Variants in SPTB observed in about 807,000 individuals in gnomAD.
The protein encoded by SPTB is spectrin beta chain, erythrocytic.
SPTB carries 45 observed loss-of-function variants against 256.2 expected under a neutral mutation model. The ratio of observed to expected loss-of-function variants is 0.18; its 90% CI spans 0.14 to 0.23. The LOEUF (loss-of-function observed/expected upper bound fraction) is 0.23. Among genes scored for constraint, SPTB ranks in the 10% least tolerant of loss-of-function variants. SPTB has a pLI of 1.00. For synonymous variants in SPTB, 1,231 were observed against 1,243.1 expected (o/e 0.99, Z 0.21); for missense variants, 2,715 against 3,040.4 (o/e 0.89, Z 2.52).
rs977998181 is a variant in SPTB, at chr14:64,824,570, C to T, written c.-51-1425G>A. Among the ~76,000 whole-genome samples, 30 of 152,128 alleles carry T rather than the reference C, an allele frequency of 2.0e-4. No homozygotes were observed. Among genetic ancestry groups the T allele is most frequent in the African/African-American group, 7.2e-4 (30 of 41,420 alleles). ...AATAGGGGACCCAGAGCCTTCACAACCAAGAGAGCAAAGCGGGAGGCAGGG... is the reference window on the plus strand; with the variant it reads ...AATAGGGGACCCAGAGCCTTCACAATCAAGAGAGCAAAGCGGGAGGCAGGG... On this transcript the variant is annotated intron_variant, in intron 1 of 35. Transcript: ENST00000644917. The surrounding 1 kb of genome is among the most constrained non-coding windows in gnomAD (Gnocchi z 5.7).
intron 1 of SPTB, among the ~76,000 whole-genome samples, chr14:64,832,935 A>G (rs1006164013): frequency 6.6e-6 from 1 of 152,224 alleles, no homozygotes; most frequent in African/African-American, 2.4e-5. Flanking sequence ...CTGAGGCCAG[A>G]CAGGCCATCC....
chr14:64,841,446 CAA>C lies in SPTB; in HGVS notation c.-51-18303_-51-18302del, dbSNP rs2083605745. On this transcript the variant is annotated intron_variant, in intron 1 of 35. Coordinates refer to ENST00000644917, the MANE Select transcript of SPTB (RefSeq NM_001355436.2). This position sits in a 1 kb window ranked among gnomAD's most constrained non-coding sequence, Gnocchi z 4.6. Reference sequence around the variant, plus strand: ...CCACATCTAGCTCAACACCAGGCAACAAGAGCATCAAGAAAGGCAACAGGAAA... The same window carrying C: ...CCACATCTAGCTCAACACCAGGCAACGAGCATCAAGAAAGGCAACAGGAAA... Among the ~76,000 whole-genome samples, 1 of 152,184 alleles carries C rather than the reference CAA, an allele frequency of 6.6e-6. No individual in the cohort carries two copies. The highest frequency in any genetic ancestry group is 1.5e-5 in the Non-Finnish European group (1 of 68,036).
chr14:64,814,890 G>A (rs1442110076), intron 2 of SPTB, among the ~76,000 whole-genome samples: 1 of 151,852 alleles, frequency 6.6e-6, no homozygotes, highest in East Asian at 1.9e-4. Flanking sequence ...AAATCAAAAA[G>A]TTTTTTTTTA....
chr14:64,772,172 T>C lies in SPTB; in HGVS notation c.5553+408A>G, dbSNP rs375882184. Among the ~76,000 whole-genome samples, 18 of 152,292 alleles carry C rather than the reference T, an allele frequency of 1.2e-4. No individual in the cohort carries two copies. Among genetic ancestry groups the C allele is most frequent in the South Asian group, 1.0e-3 (5 of 4,828 alleles). ...TACCTACATGTTCCTGGGAAACTTA[T>C]GGGTCTTCTACCTCTCCCTTTTCTC... On this transcript the variant is annotated intron_variant, in intron 26 of 35. Coordinates refer to ENST00000644917, the MANE Select transcript of SPTB (RefSeq NM_001355436.2). This position sits in a 1 kb window ranked among gnomAD's most constrained non-coding sequence, Gnocchi z 5.4.
rs772172809 is a variant in SPTB at position 64,803,755 on chromosome 14, C to A, written c.326G>T (p.Arg109Leu). The A allele has an allele frequency of 6.2e-7, 1 of 1,613,240 alleles. No individual in the cohort carries two copies. Among genetic ancestry groups the A allele is most frequent in the Non-Finnish European group, 8.5e-7 (1 of 1,179,582 alleles). The change falls in exon 4 of 36, where the codon CGC becomes CTC. Residue 109 changes from arginine (R) to leucine (L), a missense_variant. Physicochemically the swap from Arg to Leu is moderately radical, Grantham distance 102. Around this residue, in one of 4 missense-constraint regions of SPTB, gnomAD observed 416 missense variants for 571.1 expected, o/e 0.73. Coordinates refer to ENST00000644917, the MANE Select transcript of SPTB (RefSeq NM_001355436.2). Reference protein sequence around the residue: ...MLPKPTKGKMRIHCLENVDKA... With the variant: ...MLPKPTKGKMLIHCLENVDKA... ...GTCCACATTCTCCAGGCAGTGGATG[C>A]GCATCTTCCCCTTGGTGGGCTTTGG...
At chr14:64,797,389 C>T (rs2082790710) in intron 10 of SPTB, among the ~76,000 whole-genome samples, 1 of 143,196 alleles carries the variant, frequency 7.0e-6, no homozygotes, top group Non-Finnish European at 1.5e-5. Flanking sequence ...ATCACTTGAG[C>T]CCAGGAGGAC....
In SPTB at chr14:64,778,505, C is replaced by T. The variant is rs2082401039; in HGVS notation, c.4563+652G>A. 6.6e-6 allele frequency among the ~76,000 whole-genome samples: 1 copy of T among 152,176 alleles called. No individual in the cohort carries two copies. The highest frequency in any genetic ancestry group is 2.4e-5 in the African/African-American group (1 of 41,426). The stretch of plus-strand genomic sequence containing the variant: ...AGCCAGCTTCCTTACATGATTCAGG[C>T]TCCCACTGCAGCCCTGACCCAAGAG... On this transcript the variant is annotated intron_variant, in intron 22 of 35. Coordinates refer to ENST00000644917, the MANE Select transcript of SPTB (RefSeq NM_001355436.2). The surrounding 1 kb of genome is among the most constrained non-coding windows in gnomAD (Gnocchi z 5.2).
intron 32 of SPTB, among the ~76,000 whole-genome samples, chr14:64,766,089 C>T (rs1454850508): frequency 2.7e-5 from 3 of 112,830 alleles, no homozygotes; most frequent in Admixed American, 9.1e-5. Context: ...TATGAGTATG[C>T]GTGTGTGGGT....
rs945931544 is a variant in SPTB at position 64,795,995 on chromosome 14, C to T, written c.1342-356G>A. On this transcript the variant is annotated intron_variant, in intron 11 of 35. Coordinates refer to ENST00000644917, the MANE Select transcript of SPTB (RefSeq NM_001355436.2). The surrounding 1 kb of genome is among the most constrained non-coding windows in gnomAD (Gnocchi z 6.5). ...GAAGGGGCTGCTTCTCACTCGGAAA[C>T]CCATGCACCAGCAAACAGATGGTTT... Among the ~76,000 whole-genome samples, 13 of 152,178 alleles carry T rather than the reference C, an allele frequency of 8.5e-5. No homozygotes were observed. The highest frequency in any genetic ancestry group is 2.9e-4 in the African/African-American group (12 of 41,446).
At chr14:64,789,987 G>A (rs533026988) in intron 15 of SPTB, among the ~76,000 whole-genome samples, 17 of 152,314 alleles carry the variant, frequency 1.1e-4, no homozygotes, top group East Asian at 1.9e-4. Context: ...AGCTATACAC[G>A]GAAGAGGAAC....
chr14:64,856,603 T>C (rs2083877641), intron 1 of SPTB, among the ~76,000 whole-genome samples: 1 of 152,240 alleles, frequency 6.6e-6, no homozygotes. Context: ...ACTACCCAAC[T>C]TGCCTGCAAA....
chr14:64,858,874 C>A (rs2083914825), intron 1 of SPTB, among the ~76,000 whole-genome samples: 1 of 152,150 alleles, frequency 6.6e-6, no homozygotes, highest in Non-Finnish European at 1.5e-5. Flanking sequence ...AGACTATGCA[C>A]CTCTAGCAGT....
Position 64,793,955 on chromosome 14 carries a change from A to G in SPTB, c.1796-88T>C. 1 of 1,400,082 alleles carries G rather than the reference A, an allele frequency of 7.1e-7. No individual in the cohort carries two copies. The highest frequency in any genetic ancestry group is 9.6e-7 in the Non-Finnish European group (1 of 1,044,220). The allele number at this position is 1,400,082 out of a possible 1,614,324, so 86.7% of individuals were successfully genotyped here. ...AGATAAGCTGCTAGGTTGGAACTAC[A>G]CAACCCTGAAGCTGCCATGTCACTG... On this transcript the variant is annotated intron_variant, in intron 13 of 35. Coordinates refer to ENST00000644917, the MANE Select transcript of SPTB (RefSeq NM_001355436.2). This position sits in a 1 kb window ranked among gnomAD's most constrained non-coding sequence, Gnocchi z 7.0.
At chr14:64,822,755 G>C (rs934557237) in intron 2 of SPTB, among the ~76,000 whole-genome samples, 192 bp downstream of exon 2, 2 of 152,188 alleles carry the variant, frequency 1.3e-5, no homozygotes, top group African/African-American at 4.8e-5. Context: ...GCTTCTCAGA[G>C]GCCTTGGGGG....
chr14:64,809,544 G>A (rs1449195585), intron 2 of SPTB, among the ~76,000 whole-genome samples: 1 of 151,900 alleles, frequency 6.6e-6, no homozygotes, highest in Non-Finnish European at 1.5e-5. Context: ...ATGGGGTTTC[G>A]CCATATTGGC....
chr14:64,794,557 T>G lies in SPTB; in HGVS notation c.1705A>C (p.Lys569Gln). ...HLLEVEDLLQ[K>Q]HKLMEADIAI... is the part of the protein sequence containing the mutation. ...ATGTCAGCTTCCATCAACTTGTGCT[T>G]CTGTAGCAGGTCTTCAACCTCCAAC... is the stretch of plus-strand genomic sequence containing the variant. Residue 569 changes from lysine to glutamine, a missense_variant, in exon 13 of 36, where the codon AAG becomes CAG. This residue lies in a region of SPTB where 2,239 missense variants were observed against 2,384.4 expected (regional missense o/e 0.94). Coordinates refer to ENST00000644917, the MANE Select transcript of SPTB (RefSeq NM_001355436.2). 6.2e-7 allele frequency: 1 copy of G among 1,614,178 alleles called. No homozygotes were observed. Among genetic ancestry groups the G allele is most frequent in the East Asian group, 2.2e-5 (1 of 44,880 alleles).
At chr14:64,849,229 A>G (rs933669884) in intron 1 of SPTB, among the ~76,000 whole-genome samples, 4 of 152,222 alleles carry the variant, frequency 2.6e-5, no homozygotes, top group African/African-American at 9.7e-5. Flanking sequence ...TGAATTTGAA[A>G]ACACATATCC....
chr14:64,769,223 C>T, intron 28 of SPTB, 105 bp from the exon 29 acceptor site: 1 of 1,155,704 alleles, frequency 8.7e-7, no homozygotes, highest in Non-Finnish European at 1.3e-6. Context: ...GTCCTACAGC[C>T]CTGGCTTCAA....
intron 23 of SPTB, 126 bp from the exon 24 acceptor site, chr14:64,774,653 G>T: frequency 7.3e-7 from 1 of 1,378,314 alleles, no homozygotes; most frequent in Non-Finnish European, 1.0e-6. Context: ...ACACCCGCAG[G>T]AGAGCCACAC....
Sources: gnomAD v4.1 joint callset for allele counts (sites outside exome capture counted in the v4.1 genomes callset) on GRCh38, gnomAD v4.1.1 for gene constraint, gnomAD v4.1.1 regional missense constraint, Gnocchi (gnomAD v3.1) non-coding constraint, MANE v1.5 for transcripts, NCBI Gene and HGNC (gene_info 2026-07-23, HGNC 2026-07-21) for gene names.